Variants in CADPS observed in about 807,000 individuals in gnomAD.
The protein encoded by CADPS is calcium-dependent secretion activator 1.
Under a neutral mutation model 167.3 loss-of-function variants are expected in CADPS, and 57 were observed. The ratio of observed to expected loss-of-function variants is 0.34; its 90% CI spans 0.28 to 0.42. The LOEUF is 0.42. Among genes scored for constraint, CADPS ranks in the 20% least tolerant of loss-of-function variants. CADPS has a pLI of 1.00. For missense variants in CADPS, 1,414 were observed against 1,738.1 expected (o/e 0.81, Z 3.32); for synonymous variants, 676 against 635.3 (o/e 1.06, Z -0.96).
chr3:62,427,867 T>TA (rs113601116), intron 28 of CADPS, among the ~76,000 whole-genome samples: 15 of 150,530 alleles, frequency 1.0e-4, no homozygotes, highest in East Asian at 1.9e-4. Flanking sequence ...TGTTCTTTTC[T>TA]AAAAAAAAAA....
rs1211672993 is a variant in CADPS at position 62,770,759 on chromosome 3, A to G, written c.442-4775T>C. Among the ~76,000 whole-genome samples the G allele has an allele frequency of 2.0e-5, 3 of 152,306 alleles. No individual in the cohort carries two copies. The South Asian group carries it at 6.2e-4, about 32-fold the overall frequency. The stretch of plus-strand genomic sequence containing the variant: ...AGATTCTCACAAACTAAACTTTTCC[A>G]GATAACAAACTTTCGTATCAAGATA... On this transcript the variant is annotated intron_variant, in intron 1 of 29. Transcript: ENST00000383710.
intron 3 of CADPS, among the ~76,000 whole-genome samples, chr3:62,692,497 C>T (rs574620630): frequency 6.6e-6 from 1 of 152,184 alleles, no homozygotes; most frequent in African/African-American, 2.4e-5. Context: ...GGAGGTAAAC[C>T]TATTTGTTGG....
At chr3:62,597,952 T>C (rs1264717977) in intron 6 of CADPS, among the ~76,000 whole-genome samples, 1 of 151,820 alleles carries the variant, frequency 6.6e-6, no homozygotes, top group African/African-American at 2.4e-5. Flanking sequence ...CCAGTGCAAA[T>C]AAAAAATGCA....
intron 5 of CADPS, among the ~76,000 whole-genome samples, chr3:62,648,316 A>G (rs1217224386): frequency 6.6e-6 from 1 of 152,194 alleles, no homozygotes; most frequent in Non-Finnish European, 1.5e-5. Context: ...TACACATAGG[A>G]GTACGGACTT....
chr3:62,661,245 C>T (rs537639436), intron 4 of CADPS, among the ~76,000 whole-genome samples: 101 of 152,242 alleles, frequency 6.6e-4, no homozygotes, highest in African/African-American at 2.2e-3. Context: ...TAAATGATCA[C>T]CATTCGATGA....
At chr3:62,598,552 T>C (rs1401424038) in intron 6 of CADPS, among the ~76,000 whole-genome samples, 3 of 152,252 alleles carry the variant, frequency 2.0e-5, no homozygotes, top group Admixed American at 6.5e-5. Flanking sequence ...TTCAGATTAC[T>C]ATGTGCTAGG....
At chr3:62,567,939 GT>G (rs1562266557) in intron 9 of CADPS, among the ~76,000 whole-genome samples, 1 of 152,080 alleles carries the variant, frequency 6.6e-6, no homozygotes, top group Non-Finnish European at 1.5e-5. Context: ...GTGGATACCA[GT>G]TATTTTTACC....
chr3:62,859,919 A>C (rs554475923), intron 1 of CADPS, among the ~76,000 whole-genome samples: 2 of 152,266 alleles, frequency 1.3e-5, no homozygotes, highest in African/African-American at 2.4e-5. Context: ...AGAAGTCTAC[A>C]TTATCTTTGA....
At chr3:62,618,699 C>G (rs1434619524) in intron 6 of CADPS, among the ~76,000 whole-genome samples, 2 of 152,192 alleles carry the variant, frequency 1.3e-5, no homozygotes, top group Admixed American at 6.5e-5. Flanking sequence ...TCCCACTGGG[C>G]TGGCACTACT....
chr3:62,443,619 T>A (rs545526293), intron 27 of CADPS, among the ~76,000 whole-genome samples: 2 of 152,122 alleles, frequency 1.3e-5, no homozygotes, highest in Admixed American at 1.3e-4. Flanking sequence ...TCAGGAGATG[T>A]CATGGTTTTA....
At chr3:62,432,907 C>T (rs190932087) in intron 28 of CADPS, among the ~76,000 whole-genome samples, 90 of 152,270 alleles carry the variant, frequency 5.9e-4, no homozygotes, top group African/African-American at 2.0e-3. Context: ...GTCTCAGTGT[C>T]TAGAATGCCA....
intron 6 of CADPS, among the ~76,000 whole-genome samples, chr3:62,597,833 A>G (rs1215319572): frequency 6.6e-6 from 1 of 152,136 alleles, no homozygotes; most frequent in Non-Finnish European, 1.5e-5. Flanking sequence ...AATGAATCCC[A>G]GTTTAACTAT....
At chr3:62,449,488 CCTTTT>C (rs1316771644) in intron 26 of CADPS, among the ~76,000 whole-genome samples, 2 of 152,152 alleles carry the variant, frequency 1.3e-5, no homozygotes, top group African/African-American at 4.8e-5. Flanking sequence ...TTAAGGATCA[CCTTTT>C]CTTAAGTTAT....
At chr3:62,590,326 G>A (rs1401452196) in intron 7 of CADPS, among the ~76,000 whole-genome samples, 5 of 152,052 alleles carry the variant, frequency 3.3e-5, no homozygotes, top group East Asian at 3.9e-4. Flanking sequence ...TCTGAGACTC[G>A]TGATTCTTAA....
Position 62,660,918 on chromosome 3 carries a change from T to A in CADPS, c.969+1396A>T, listed in dbSNP as rs577580583. Among the ~76,000 whole-genome samples the A allele has an allele frequency of 3.9e-5, 6 of 152,352 alleles. No homozygotes were observed. In the East Asian group the frequency reaches 1.2e-3, roughly 29 times the overall value. On this transcript the variant is annotated intron_variant, in intron 4 of 29. Coordinates refer to ENST00000383710, the MANE Select transcript of CADPS (RefSeq NM_003716.4). ...CCCTGATATTTAGACAGACCTGAGC[T>A]GAGGGTGTGCCACAATCTCTTTGCT...
intron 6 of CADPS, among the ~76,000 whole-genome samples, chr3:62,635,108 A>G (rs956745305): frequency 4.6e-5 from 7 of 152,154 alleles, no homozygotes; most frequent in African/African-American, 1.7e-4. Flanking sequence ...GATTCATTTC[A>G]TTTGAGGTCT....
chr3:62,729,846 A>T (rs1415138752), intron 3 of CADPS, among the ~76,000 whole-genome samples: 1 of 151,718 alleles, frequency 6.6e-6, no homozygotes, highest in East Asian at 1.9e-4. Flanking sequence ...CCTGCCAAGT[A>T]TTTCTGGTTC....
chr3:62,633,128 A>G (rs1042832099), intron 6 of CADPS, among the ~76,000 whole-genome samples: 5 of 152,192 alleles, frequency 3.3e-5, no homozygotes, highest in African/African-American at 1.2e-4. Flanking sequence ...GCTAGAATGC[A>G]ACCTCCAGAG....
chr3:62,723,294 T>C (rs1282303930), intron 3 of CADPS, among the ~76,000 whole-genome samples: 1 of 152,190 alleles, frequency 6.6e-6, no homozygotes, highest in Non-Finnish European at 1.5e-5. Context: ...TGAACGCCAG[T>C]AGATACTGCT....
Sources: gnomAD v4.1 joint callset for allele counts (sites outside exome capture counted in the v4.1 genomes callset) on GRCh38, gnomAD v4.1.1 for gene constraint, MANE v1.5 for transcripts, NCBI Gene and HGNC (gene_info 2026-07-23, HGNC 2026-07-21) for gene names.